Variants in SLC28A1 observed in about 807,000 individuals in gnomAD.
SLC28A1 encodes the protein solute carrier family 28 member 1.
SLC28A1 carries 64 observed loss-of-function variants against 74.8 expected under a neutral mutation model. The observed-to-expected ratio is 0.86, with a 90% CI of 0.70 to 1.05. The LOEUF (loss-of-function observed/expected upper bound fraction) is 1.05. Among genes scored for constraint, SLC28A1 ranks in the 50% least tolerant of loss-of-function variants. The pLI is 0.00. For synonymous variants in SLC28A1, 359 were observed against 335.0 expected (o/e 1.07, Z -0.78); for missense variants, 828 against 822.8 (o/e 1.01, Z -0.08).
In SLC28A1 at chr15:84,944,842, C is replaced by G. The variant is rs768258991; in HGVS notation, c.1849C>G (p.Gln617Glu). Residue 617 changes from glutamine (Q) to glutamate (E), a missense_variant, in exon 18 of 19, where the codon CAG (glutamine) becomes GAG (glutamate). By Grantham distance (29) the Gln-to-Glu change is conservative (BLOSUM62 2). Around this residue, in one of 3 missense-constraint regions of SLC28A1, gnomAD observed 53 missense variants for 44.5 expected, o/e 1.19. Coordinates refer to ENST00000394573, the MANE Select transcript of SLC28A1 (RefSeq NM_004213.5). ...CAGCAGCAGTAGCTTTGAGATTTAC[C>G]AGTGCTGCCGTGAGGCCTTCCAGAG... The part of the protein sequence containing the change: ...TLSSSSFEIY[Q>E]CCREAFQSVN... 6.2e-7 allele frequency: 1 copy of G among 1,613,650 alleles called. No individual in the cohort carries two copies. The highest frequency in any genetic ancestry group is 1.1e-5 in the South Asian group (1 of 91,070).
At chr15:84,971,247 A>G in the SLC28A1 span, among the ~76,000 whole-genome samples, 1 of 152,222 alleles carries the variant, frequency 6.6e-6, no homozygotes, top group East Asian at 1.9e-4. Flanking sequence ...AAAGGGCTAG[A>G]GAACAAAAAT....
chr15:84,962,868 TG>T, the SLC28A1 span, among the ~76,000 whole-genome samples: 1 of 152,182 alleles, frequency 6.6e-6, no homozygotes, highest in Non-Finnish European at 1.5e-5. Flanking sequence ...CATGGCTGCC[TG>T]GTACACTCAG....
chr15:84,922,541 G>C (rs1033138431), intron 11 of SLC28A1, among the ~76,000 whole-genome samples: 1 of 152,056 alleles, frequency 6.6e-6, no homozygotes, highest in African/African-American at 2.4e-5. Flanking sequence ...CGGGCCACCT[G>C]CCTCTCACCT....
At chr15:84,936,145 C>T (rs113259192) in intron 15 of SLC28A1, among the ~76,000 whole-genome samples, 28,947 of 150,714 alleles carry the variant, frequency 0.19, 3,379 homozygotes, top group South Asian at 0.43. Context: ...TTAGTAGAGA[C>T]GGGGTTTCAT....
At position 84,945,205 on chromosome 15, in the gene SLC28A1, A is replaced by G. The variant is rs1205946403; in HGVS notation, c.*5A>G. 5.0e-6 allele frequency: 8 copies of G among 1,613,620 alleles called. No individual in the cohort carries two copies. Among genetic ancestry groups the G allele is most frequent in the East Asian group, 4.5e-5 (2 of 44,882 alleles). On this transcript the variant is annotated 3_prime_UTR_variant, in exon 19 of 19. Coordinates refer to ENST00000394573, the MANE Select transcript of SLC28A1 (RefSeq NM_004213.5). ...CACACGATCTGTGCACAGTGAGGAC[A>G]GAACATGCTTGTGCTTCTGCGCTTC...
chr15:84,953,142 T>G, the SLC28A1 span, among the ~76,000 whole-genome samples: 43 of 152,300 alleles, frequency 2.8e-4, no homozygotes, highest in African/African-American at 1.0e-3. Flanking sequence ...TCTAATCCTT[T>G]TTGGATCTGG....
the SLC28A1 span, among the ~76,000 whole-genome samples, chr15:84,961,204 C>A: frequency 8.0e-4 from 122 of 152,316 alleles, no homozygotes; most frequent in Non-Finnish European, 1.5e-3. Flanking sequence ...ATCCAAGCAG[C>A]CTGCCTCTTT....
the SLC28A1 span, among the ~76,000 whole-genome samples, chr15:84,963,321 C>T: frequency 1.3e-5 from 2 of 152,152 alleles, no homozygotes; most frequent in African/African-American, 2.4e-5. Context: ...GATCTTTATA[C>T]ACCCTCTCCC....
chr15:84,937,212 C>G (rs1440871530), intron 15 of SLC28A1, among the ~76,000 whole-genome samples: 1 of 152,048 alleles, frequency 6.6e-6, no homozygotes, highest in Non-Finnish European at 1.5e-5. Context: ...TACCCAATCC[C>G]CTGCTGTTGG....
At chr15:84,885,912 A>C (rs1284430786) in intron 1 of SLC28A1, among the ~76,000 whole-genome samples, 1 of 152,196 alleles carries the variant, frequency 6.6e-6, no homozygotes, top group African/African-American at 2.4e-5. Context: ...AAATGTTTTC[A>C]AAAAGAGGGG....
At chr15:84,916,257 T>C (rs1411748911) in intron 9 of SLC28A1, among the ~76,000 whole-genome samples, 4 of 86,684 alleles carry the variant, frequency 4.6e-5, no homozygotes, top group Admixed American at 1.1e-4. Context: ...TTTTTTTTTT[T>C]CAAACATGGG....
At chr15:84,961,663 TA>T in the SLC28A1 span, 1 of 349,872 alleles carries the variant, frequency 2.9e-6, no homozygotes, top group African/African-American at 2.2e-5. Context: ...TTGATGGTCG[TA>T]AGACACTAAG....
Position 84,926,545 on chromosome 15 carries a change from A to G in SLC28A1, c.1083+2435A>G, listed in dbSNP as rs1970532298. The G allele has an allele frequency of 6.6e-6, 3 of 455,208 alleles. No homozygotes were observed. In the Admixed American group the frequency reaches 7.1e-5, roughly 11 times the overall value. 28.2% of individuals were successfully genotyped at this position (455,208 alleles called of 1,614,324 possible). A position where few individuals can be genotyped will look rare whatever the true frequency, so the allele number is the denominator to read the frequency against. Reference sequence around the variant, plus strand: ...ATTCTTTCCCTTTGATCCAGCTAGAAAAATTGTGATATAGGGATATTCTCA... The same window carrying G: ...ATTCTTTCCCTTTGATCCAGCTAGAGAAATTGTGATATAGGGATATTCTCA... On this transcript the variant is annotated intron_variant, in intron 12 of 18. Coordinates refer to ENST00000394573, the MANE Select transcript of SLC28A1 (RefSeq NM_004213.5).
At chr15:84,968,978 A>G in the SLC28A1 span, among the ~76,000 whole-genome samples, 6 of 152,214 alleles carry the variant, frequency 3.9e-5, no homozygotes, top group Non-Finnish European at 5.9e-5. Flanking sequence ...GAACCTGAAA[A>G]ACCTGACCTG....
intron 2 of SLC28A1, chr15:84,887,414 T>C: frequency 4.1e-6 from 4 of 984,724 alleles, no homozygotes; most frequent in Non-Finnish European, 4.8e-6. Flanking sequence ...GCTGGGGTGG[T>C]GGCGCACGCC....
chr15:84,935,383 C>T lies in SLC28A1; in HGVS notation c.1446C>T (p.Cys482=). 6.2e-7 allele frequency: 1 copy of T among 1,614,194 alleles called. No homozygotes were observed. Among genetic ancestry groups the T allele is most frequent in the Non-Finnish European group, 8.5e-7 (1 of 1,180,016 alleles). Residue 482 remains cysteine, a synonymous_variant, in exon 15 of 19, where the codon TGC becomes TGT. Coordinates refer to ENST00000394573, the MANE Select transcript of SLC28A1 (RefSeq NM_004213.5). ...AFLMGVAWED[C]PVVAELLGIK... is the part of the protein sequence containing the mutation. ...TGATGGGTGTGGCGTGGGAGGACTG[C>T]CCAGTGGTAGCTGAGCTGCTGGGGA... is the stretch of plus-strand genomic sequence containing the variant.
the SLC28A1 span, chr15:84,961,618 G>A: frequency 6.5e-5 from 26 of 397,936 alleles, no homozygotes; most frequent in Admixed American, 2.9e-4. Context: ...TGGGATTACA[G>A]GTATGAGCCA....
At chr15:84,926,364 A>T (rs868724426) in intron 12 of SLC28A1, among the ~76,000 whole-genome samples, 160 of 130,330 alleles carry the variant, frequency 1.2e-3, no homozygotes, top group African/African-American at 3.8e-3. Flanking sequence ...ACCCCTGGCT[A>T]TTTTTTTTTT....
At chr15:84,929,903 G>A (rs1971077706) in intron 12 of SLC28A1, among the ~76,000 whole-genome samples, 1 of 152,158 alleles carries the variant, frequency 6.6e-6, no homozygotes, top group Non-Finnish European at 1.5e-5. Context: ...GCCCTGGGAT[G>A]CTAGGATGGA....
Sources: gnomAD v4.1 joint callset for allele counts (sites outside exome capture counted in the v4.1 genomes callset) on GRCh38, gnomAD v4.1.1 for gene constraint, gnomAD v4.1.1 regional missense constraint, MANE v1.5 for transcripts, NCBI Gene and HGNC (gene_info 2026-07-23, HGNC 2026-07-21) for gene names.